Variants in MLKL observed in about 807,000 individuals in gnomAD.
MLKL encodes mixed lineage kinase domain-like protein.
MLKL carries 55 observed loss-of-function variants against 56.5 expected under a neutral mutation model. That is an observed-to-expected ratio of 0.97 (90% CI 0.78 to 1.22). The LOEUF is 1.22. Among genes scored for constraint, MLKL ranks in the 50% most tolerant of loss-of-function variants. The probability of loss-of-function intolerance (pLI) is 0.00; values close to 1 mark genes in which losing one functional copy is unlikely to be tolerated. For missense variants in MLKL, 694 were observed against 573.9 expected (o/e 1.21, Z -2.14); for synonymous variants, 251 against 208.3 (o/e 1.20, Z -1.76).
At chr16:74,693,713 C>T (rs1960835987) in intron 2 of MLKL, among the ~76,000 whole-genome samples, 1 of 151,794 alleles carries the variant, frequency 6.6e-6, no homozygotes, top group Admixed American at 6.6e-5. Context: ...ACGCCATTCC[C>T]CCGCCTCAGC....
intron 3 of MLKL, among the ~76,000 whole-genome samples, chr16:74,691,676 A>G (rs1389947229): frequency 6.6e-6 from 1 of 152,150 alleles, no homozygotes; most frequent in East Asian, 1.9e-4. Flanking sequence ...AGTTAACAGA[A>G]TGTGTCATCC....
intron 1 of MLKL, among the ~76,000 whole-genome samples, chr16:74,697,147 T>C (rs1404794518): frequency 6.6e-6 from 1 of 151,608 alleles, no homozygotes; most frequent in East Asian, 1.9e-4. Context: ...GTCCAGGAGG[T>C]TGAGGCTGCA....
At chr16:74,691,950 C>T (rs1483169745) in intron 3 of MLKL, among the ~76,000 whole-genome samples, 1 of 152,212 alleles carries the variant, frequency 6.6e-6, no homozygotes, top group Non-Finnish European at 1.5e-5. Context: ...TCCTTCTCTG[C>T]ATCTTAGTTA....
At chr16:74,699,029 C>T (rs909665943) in intron 1 of MLKL, among the ~76,000 whole-genome samples, 1 of 152,064 alleles carries the variant, frequency 6.6e-6, no homozygotes, top group Admixed American at 6.6e-5. Flanking sequence ...AGGAGAATTG[C>T]TTGAACCCGG....
At chr16:74,699,196 A>G (rs1398187134) in intron 1 of MLKL, among the ~76,000 whole-genome samples, 1 of 152,206 alleles carries the variant, frequency 6.6e-6, no homozygotes, top group African/African-American at 2.4e-5. Context: ...GAGAAGTGTT[A>G]TATTTCTGGC....
At chr16:74,678,417 C>G in intron 7 of MLKL, 1 of 165,008 alleles carries the variant, frequency 6.1e-6, no homozygotes, top group Non-Finnish European at 1.3e-5. Context: ...TAGATGGAGA[C>G]TGTTGTGTGG....
Position 74,687,357 on chromosome 16 carries a change from A to G in MLKL, c.723-1774T>C, listed in dbSNP as rs539579905. On this transcript the variant is annotated intron_variant, in intron 4 of 10. Coordinates refer to ENST00000308807, the MANE Select transcript of MLKL (RefSeq NM_152649.4). The stretch of plus-strand genomic sequence containing the variant: ...GACTTTATACCATTAAGATGGTAAC[A>G]TTTTCCAAATTGACCTACAGGTTCA... Among the ~76,000 whole-genome samples, 6 of 152,124 alleles carry G rather than the reference A, an allele frequency of 3.9e-5. No individual in the cohort carries two copies. In the East Asian group the frequency reaches 9.7e-4, roughly 25 times the overall value.
chr16:74,685,854 T>C lies in MLKL; in HGVS notation c.723-271A>G, dbSNP rs139530941. Among the ~76,000 whole-genome samples, 12 of 152,340 alleles carry C rather than the reference T, an allele frequency of 7.9e-5. No individual in the cohort carries two copies. The East Asian group carries it at 2.3e-3, about 29-fold the overall frequency. On this transcript the variant is annotated intron_variant, in intron 4 of 10. Coordinates refer to ENST00000308807, the MANE Select transcript of MLKL (RefSeq NM_152649.4). ...AAATAGTCTGATAGAATTGTATTTT[T>C]ATGACCTACAGGGCTTTACTAGGCA...
At chr16:74,699,930 A>C (rs1278132347) in intron 1 of MLKL, among the ~76,000 whole-genome samples, 1 of 152,118 alleles carries the variant, frequency 6.6e-6, no homozygotes, top group African/African-American at 2.4e-5. Flanking sequence ...CAACAGAGGA[A>C]GACTCCATCT....
intron 5 of MLKL, 38 bp downstream of exon 5, chr16:74,685,448 C>T: frequency 6.7e-7 from 1 of 1,488,490 alleles, no homozygotes; most frequent in Non-Finnish European, 9.4e-7. Flanking sequence ...GTGTTCTAGG[C>T]CATCCAAAGC....
chr16:74,691,062 T>A (rs1013577937), intron 4 of MLKL, among the ~76,000 whole-genome samples: 1 of 151,832 alleles, frequency 6.6e-6, no homozygotes, highest in Non-Finnish European at 1.5e-5. Flanking sequence ...TGTTTTTTTT[T>A]TTTAAATATA....
chr16:74,679,059 A>C lies in MLKL; in HGVS notation c.957-79T>G. ...GGGACTGACAATCATAACTGGGCTG[A>C]TGAGGCTGGACAGTACCATGGGTGC... On this transcript the variant is annotated intron_variant, in intron 6 of 10. Coordinates refer to ENST00000308807, the MANE Select transcript of MLKL (RefSeq NM_152649.4). The C allele has an allele frequency of 4.3e-6, 5 of 1,157,884 alleles. No homozygotes were observed. The South Asian group carries it at 5.0e-5, about 12-fold the overall frequency. The allele number at this position is 1,157,884 out of a possible 1,614,324, so 71.7% of individuals were successfully genotyped here.
intron 5 of MLKL, among the ~76,000 whole-genome samples, chr16:74,683,752 G>A (rs1488871060): frequency 6.6e-6 from 1 of 152,026 alleles, no homozygotes; most frequent in Non-Finnish European, 1.5e-5. Flanking sequence ...TTGTTCACAT[G>A]GGTGCTCACA....
At chr16:74,691,501 C>G (rs761029643) in intron 3 of MLKL, 38 bp from the exon 4 acceptor site, 17 of 1,590,858 alleles carry the variant, frequency 1.1e-5, no homozygotes, top group African/African-American at 1.4e-5. Context: ...ACAAAAGAGT[C>G]AATGAGCAGA....
At chr16:74,696,208 A>G (rs890404699) in intron 1 of MLKL, among the ~76,000 whole-genome samples, 2 of 152,190 alleles carry the variant, frequency 1.3e-5, no homozygotes, top group Non-Finnish European at 2.9e-5. Flanking sequence ...ACAGACCTGG[A>G]ACGTCTGTCA....
chr16:74,675,164 T>C (rs1262960976), intron 9 of MLKL, 64 bp from the exon 10 acceptor site: 8 of 1,594,566 alleles, frequency 5.0e-6, no homozygotes, highest in Middle Eastern at 1.7e-4. Flanking sequence ...CTCTGGATGC[T>C]GATGGCTGGC....
intron 4 of MLKL, among the ~76,000 whole-genome samples, chr16:74,687,315 A>G (rs1960390234): frequency 6.6e-6 from 1 of 152,122 alleles, no homozygotes; most frequent in Non-Finnish European, 1.5e-5. Flanking sequence ...AACACGTCCC[A>G]TGTTCTTGAA....
At chr16:74,692,795 C>A (rs1056453832) in intron 2 of MLKL, among the ~76,000 whole-genome samples, 9 of 152,256 alleles carry the variant, frequency 5.9e-5, no homozygotes, top group Non-Finnish European at 1.2e-4. Context: ...GGAGAGTCCC[C>A]TGGACTTTGC....
At chr16:74,696,677 G>A (rs1567621944) in intron 1 of MLKL, among the ~76,000 whole-genome samples, 1 of 151,536 alleles carries the variant, frequency 6.6e-6, no homozygotes, top group East Asian at 1.9e-4. Context: ...TATAAAATTG[G>A]CTGGGCGCGG....
Sources: gnomAD v4.1 joint callset for allele counts (sites outside exome capture counted in the v4.1 genomes callset) on GRCh38, gnomAD v4.1.1 for gene constraint, MANE v1.5 for transcripts, NCBI Gene and HGNC (gene_info 2026-07-23, HGNC 2026-07-21) for gene names.